ATP11A: variants seen among roughly 807,000 people sequenced by gnomAD.
The protein encoded by ATP11A is ATPase phospholipid transporting 11A, also known as phospholipid-transporting ATPase IH.
In ATP11A, 81 loss-of-function variants were observed where a neutral mutation model predicts 154.4. That is an observed-to-expected ratio of 0.52 (90% confidence interval 0.44 to 0.63). The LOEUF is 0.63. Ranked by LOEUF, ATP11A falls within the 30% of genes least tolerant of loss-of-function variation. The pLI is 0.00. For missense variants in ATP11A, 1,316 were observed against 1,474.3 expected, an observed-to-expected ratio of 0.89 and a Z score of 1.76; for synonymous variants, 623 against 585.9, an observed-to-expected ratio of 1.06 and a Z score of -0.91.
At chr13:112,729,156 C>T (rs1332730472) in intron 1 of ATP11A, among the ~76,000 whole-genome samples, 1 of 152,206 alleles carries the variant, frequency 6.6e-6, no homozygotes, top group East Asian at 1.9e-4. Context: ...GAAGACATTT[C>T]TGTTAGCGTA....
intron 1 of ATP11A, among the ~76,000 whole-genome samples, chr13:112,693,786 T>C (rs1203110771): frequency 6.6e-6 from 1 of 152,044 alleles, no homozygotes; most frequent in African/African-American, 2.4e-5. Flanking sequence ...ACCCTGTCTC[T>C]ACTAAAAATA....
rs575381420 is a variant in ATP11A, at chr13:112,696,180, C to A, written c.39+5725C>A. Reference sequence around the variant, plus strand: ...TGTGCAGTGACGGGACAGGTCACGGCGCTCGTGCACGCTGGGTGCCCAGTG... The same window carrying A: ...TGTGCAGTGACGGGACAGGTCACGGAGCTCGTGCACGCTGGGTGCCCAGTG... On this transcript the variant is annotated intron_variant, in intron 1 of 29. Transcript: ENST00000375645. This position sits in a 1 kb window ranked among gnomAD's most constrained non-coding sequence, Gnocchi z 6.2. Among the ~76,000 whole-genome samples the A allele has an allele frequency of 2.6e-5, 4 of 152,142 alleles. No homozygotes were observed. Among genetic ancestry groups the A allele is most frequent in the Admixed American group, 2.6e-4 (4 of 15,276 alleles).
chr13:112,846,218 C>T (rs2079603415), intron 17 of ATP11A, among the ~76,000 whole-genome samples: 1 of 152,150 alleles, frequency 6.6e-6, no homozygotes, highest in African/African-American at 2.4e-5. Flanking sequence ...TAACATTTTT[C>T]AGCAATTATT....
chr13:112,755,993 G>A (rs866743611), intron 1 of ATP11A, among the ~76,000 whole-genome samples: 2 of 132,476 alleles, frequency 1.5e-5, no homozygotes, highest in African/African-American at 2.8e-5. Flanking sequence ...AACCATTTCC[G>A]GTCACGGAAA....
chr13:112,843,394 C>A (rs932376526), intron 17 of ATP11A, among the ~76,000 whole-genome samples: 2 of 152,188 alleles, frequency 1.3e-5, no homozygotes, highest in Admixed American at 1.3e-4. Flanking sequence ...GTGTCTGCAC[C>A]CTTCTCCCGA....
chr13:112,699,678 T>C lies in ATP11A; in HGVS notation c.39+9223T>C, dbSNP rs541557297. ...TGGAAGGAGCACATTTCACAGATGA[T>C]GTCATTGGTGGAGGCCGAGCCTGCC... On this transcript the variant is annotated intron_variant, in intron 1 of 29. Coordinates refer to ENST00000375645, the MANE Select transcript of ATP11A (RefSeq NM_015205.3). Among the ~76,000 whole-genome samples the C allele has an allele frequency of 2.6e-5, 4 of 152,354 alleles. No homozygotes were observed. In the East Asian group the frequency reaches 7.7e-4, roughly 29 times the overall value.
In ATP11A at chr13:112,833,293, G is replaced by A. The variant is rs144059932; in HGVS notation, c.1559+270G>A. 2.8e-3 allele frequency among the ~76,000 whole-genome samples: 432 copies of A among 152,170 alleles called. 3 individuals are homozygous for A. The highest frequency in any genetic ancestry group is 9.9e-3 in the African/African-American group (413 of 41,508). On this transcript the variant is annotated intron_variant, in intron 14 of 29. Transcript: ENST00000375645. The stretch of plus-strand genomic sequence containing the variant: ...TCCTCCTGAGGTCTGCAGTAAGTTA[G>A]AGGTCATTCCAAATAACCACAGGCT...
At chr13:112,736,440 G>A (rs956565168) in intron 1 of ATP11A, among the ~76,000 whole-genome samples, 1 of 152,102 alleles carries the variant, frequency 6.6e-6, no homozygotes, top group African/African-American at 2.4e-5. Context: ...TTCCTCCTGC[G>A]GTAGCATCTC....
At chr13:112,848,297 T>A (rs2079663272) in intron 17 of ATP11A, among the ~76,000 whole-genome samples, 1 of 152,258 alleles carries the variant, frequency 6.6e-6, no homozygotes, top group African/African-American at 2.4e-5. Context: ...CTTGGTTAAA[T>A]TTATTCATAA....
At chr13:112,719,802 A>G (rs1254313446) in intron 1 of ATP11A, among the ~76,000 whole-genome samples, 1 of 152,168 alleles carries the variant, frequency 6.6e-6, no homozygotes, top group Non-Finnish European at 1.5e-5. Flanking sequence ...CATTTTGGTG[A>G]CGTGGCATTG....
intron 2 of ATP11A, among the ~76,000 whole-genome samples, chr13:112,787,489 C>T (rs2077674918): frequency 9.2e-6 from 1 of 108,784 alleles, no homozygotes; most frequent in Non-Finnish European, 1.7e-5. Flanking sequence ...TTAATTCACA[C>T]CGGGTGTCCT....
intron 25 of ATP11A, among the ~76,000 whole-genome samples, chr13:112,869,408 C>T (rs548270725): frequency 2.0e-5 from 3 of 152,326 alleles, no homozygotes; most frequent in African/African-American, 7.2e-5. Flanking sequence ...ACCCAGGGAG[C>T]CCCAGCTGGG....
chr13:112,846,863 G>T (rs973486229), intron 17 of ATP11A, among the ~76,000 whole-genome samples: 1 of 152,224 alleles, frequency 6.6e-6, no homozygotes, highest in Non-Finnish European at 1.5e-5. Context: ...GCCTGCCCCG[G>T]GTGGTGCTCC....
intron 1 of ATP11A, among the ~76,000 whole-genome samples, chr13:112,768,150 T>G (rs953579963): frequency 6.6e-6 from 1 of 152,260 alleles, no homozygotes; most frequent in Non-Finnish European, 1.5e-5. Context: ...ATAGCCGTTC[T>G]TTTATTCCGG....
intron 1 of ATP11A, among the ~76,000 whole-genome samples, chr13:112,752,822 G>A (rs531344351): frequency 3.3e-5 from 5 of 152,222 alleles, no homozygotes; most frequent in Non-Finnish European, 4.4e-5. Flanking sequence ...GTAGTTGTCA[G>A]TGTAGCATCG....
Position 112,844,367 on chromosome 13 carries a change from A to G in ATP11A, c.1809+1988A>G, listed in dbSNP as rs573470755. On this transcript the variant is annotated intron_variant, in intron 17 of 29. Transcript: ENST00000375645. ...ATGTAATTGCCATACATTGATCTAT[A>G]CATATTTAAAATGCGAGAGCAGCAA... is the stretch of plus-strand genomic sequence containing the variant. 7.2e-5 allele frequency among the ~76,000 whole-genome samples: 11 copies of G among 152,316 alleles called. No homozygotes were observed. In the East Asian group the frequency reaches 1.7e-3, roughly 24 times the overall value.
intron 2 of ATP11A, among the ~76,000 whole-genome samples, chr13:112,794,117 C>T (rs1283597852): frequency 1.3e-5 from 2 of 152,200 alleles, no homozygotes; most frequent in Non-Finnish European, 2.9e-5. Flanking sequence ...CCAAGCACCA[C>T]TCGGTTTTCC....
At chr13:112,801,150 G>A (rs1218134223) in intron 2 of ATP11A, among the ~76,000 whole-genome samples, 1 of 96,392 alleles carries the variant, frequency 1.0e-5, no homozygotes, top group Non-Finnish European at 2.0e-5. Context: ...TACAGTAAGA[G>A]TAGAAATGGG....
At chr13:112,787,274 C>T (rs1284448311) in intron 2 of ATP11A, among the ~76,000 whole-genome samples, 1 of 129,050 alleles carries the variant, frequency 7.7e-6, no homozygotes, top group Non-Finnish European at 1.5e-5. Flanking sequence ...GCGTAGACTC[C>T]TGTGGATACC....
Sources: allele counts gnomAD v4.1 joint callset (sites outside exome capture counted in the v4.1 genomes callset), GRCh38; gene constraint gnomAD v4.1.1; non-coding constraint Gnocchi (gnomAD v3.1); transcripts MANE v1.5; gene names NCBI Gene and HGNC (gene_info 2026-07-23, HGNC 2026-07-21).